The following NRF1 variants were observed in gnomAD, a reference collection of about 807,000 sequenced individuals.
NRF1 encodes the protein nuclear respiratory factor 1, also known as alpha palindromic-binding protein.
NRF1 carries 5 observed loss-of-function variants against 58.5 expected under a neutral mutation model. The observed-to-expected ratio is 0.09, with a 90% CI of 0.04 to 0.18. The LOEUF is 0.18. Among genes scored for constraint, NRF1 ranks in the 10% least tolerant of loss-of-function variants. The probability of loss-of-function intolerance (pLI) is 1.00; values close to 1 mark genes in which losing one functional copy is unlikely to be tolerated. For missense variants in NRF1, 288 were observed against 657.7 expected (o/e 0.44, Z 6.15); for synonymous variants, 224 against 246.7 (o/e 0.91, Z 0.86).
intron 1 of NRF1, among the ~76,000 whole-genome samples, chr7:129,620,848 A>C (rs1238045113): frequency 1.3e-5 from 2 of 152,232 alleles, no homozygotes; most frequent in African/African-American, 2.4e-5. Flanking sequence ...TAAATGCACA[A>C]ATATTTCAGT....
intron 10 of NRF1, among the ~76,000 whole-genome samples, chr7:129,754,464 T>TAAAAAAAAAAAAAAAAAAAAAAAAAAA (rs57595268): frequency 2.0e-5 from 1 of 51,202 alleles, no homozygotes; most frequent in African/African-American, 9.6e-5. Context: ...CCCTGTCTCT[T>TAAAAAAAAAAAAAAAAAAAAAAAAAAA]AAAAAAAAAA....
intron 1 of NRF1, among the ~76,000 whole-genome samples, chr7:129,647,683 C>G (rs1801440945): frequency 6.6e-6 from 1 of 152,228 alleles, no homozygotes; most frequent in Admixed American, 6.5e-5. Flanking sequence ...CGTGAGCCAC[C>G]ACGCCCAGCC....
intron 10 of NRF1, among the ~76,000 whole-genome samples, chr7:129,738,722 A>G (rs1803779208): frequency 6.6e-6 from 1 of 152,154 alleles, no homozygotes; most frequent in African/African-American, 2.4e-5. Flanking sequence ...TGTCTGCATT[A>G]TTCTACCTTC....
chr7:129,720,875 C>A (rs1562982789), intron 9 of NRF1, among the ~76,000 whole-genome samples: 2 of 152,034 alleles, frequency 1.3e-5, no homozygotes, highest in Non-Finnish European at 2.9e-5. Context: ...TGTTAATTTT[C>A]ATTTTCAAAA....
chr7:129,675,840 C>T (rs1452445809), intron 3 of NRF1, among the ~76,000 whole-genome samples: 1 of 152,218 alleles, frequency 6.6e-6, no homozygotes, highest in Non-Finnish European at 1.5e-5. Flanking sequence ...TAGCCCCTAA[C>T]AAGAGAGTCA....
chr7:129,652,450 A>G (rs77981828), intron 1 of NRF1, among the ~76,000 whole-genome samples: 3,736 of 152,272 alleles, frequency 0.025, 54 homozygotes, highest in Middle Eastern at 0.075. Context: ...TGACCCAGCA[A>G]TTTACCTTCA....
At chr7:129,715,368 GC>G (rs1248546994) in intron 8 of NRF1, among the ~76,000 whole-genome samples, 1 of 152,162 alleles carries the variant, frequency 6.6e-6, no homozygotes, top group East Asian at 1.9e-4. Flanking sequence ...GAGACTGTAG[GC>G]CTAGCAAACC....
intron 4 of NRF1, among the ~76,000 whole-genome samples, chr7:129,678,299 AT>A (rs1802229590): frequency 6.6e-6 from 1 of 152,210 alleles, no homozygotes; most frequent in Non-Finnish European, 1.5e-5. Flanking sequence ...CTGCATACTT[AT>A]ACAATAGGAA....
At chr7:129,710,624 C>CA in intron 7 of NRF1, 53 bp downstream of exon 7, 1 of 896,770 alleles carries the variant, frequency 1.1e-6, no homozygotes, top group Admixed American at 1.7e-5. Flanking sequence ...GATCAGTGGG[C>CA]ACCTCACCTC....
chr7:129,742,574 A>C (rs1370684376), intron 10 of NRF1, among the ~76,000 whole-genome samples: 5 of 152,198 alleles, frequency 3.3e-5, no homozygotes, highest in African/African-American at 4.8e-5. Context: ...GTGTTAAAAT[A>C]AGTTGATGAG....
chr7:129,668,656 C>T (rs1801974462), intron 2 of NRF1, among the ~76,000 whole-genome samples: 1 of 151,800 alleles, frequency 6.6e-6, no homozygotes, highest in African/African-American at 2.4e-5. Flanking sequence ...TACTTGGCAA[C>T]AAAAAGGAAA....
At chr7:129,650,498 G>A (rs1248861071) in intron 1 of NRF1, among the ~76,000 whole-genome samples, 4 of 152,120 alleles carry the variant, frequency 2.6e-5, no homozygotes, top group Admixed American at 2.6e-4. Context: ...ACACAGTTAA[G>A]AAAACCATCC....
intron 9 of NRF1, among the ~76,000 whole-genome samples, chr7:129,725,192 T>C (rs779296847): frequency 2.6e-5 from 4 of 152,218 alleles, no homozygotes; most frequent in Non-Finnish European, 5.9e-5. Flanking sequence ...TGGAGATGAA[T>C]GATGGTGATG....
rs550257738 is a variant in NRF1 at position 129,655,422 on chromosome 7, C to T, written c.-6-1924C>T. On this transcript the variant is annotated intron_variant, in intron 1 of 10. Transcript: ENST00000393232. ...TATTTCTTCCTTCCCAATCAGGGTA[C>T]CCTTTATTTCTTTTTAAAAATCTTA... Among the ~76,000 whole-genome samples the T allele has an allele frequency of 2.6e-5, 4 of 152,162 alleles. No individual in the cohort carries two copies. The East Asian group carries it at 7.7e-4, about 29-fold the overall frequency.
chr7:129,619,490 G>GTGTA (rs1422472177), intron 1 of NRF1, among the ~76,000 whole-genome samples: 13 of 48,612 alleles, frequency 2.7e-4, no homozygotes, highest in African/African-American at 1.3e-3. Flanking sequence ...GTGTGTGTGT[G>GTGTA]TATATATATA....
intron 9 of NRF1, among the ~76,000 whole-genome samples, chr7:129,725,396 C>T (rs186686157): frequency 1.1e-4 from 17 of 147,884 alleles, no homozygotes; most frequent in Non-Finnish European, 2.2e-4. Context: ...GGCATGATAT[C>T]GGCCCACTGC....
intron 10 of NRF1, among the ~76,000 whole-genome samples, chr7:129,743,010 C>T (rs955285094): frequency 6.6e-6 from 1 of 152,054 alleles, no homozygotes; most frequent in Non-Finnish European, 1.5e-5. Context: ...TTAAGGAAGC[C>T]TGGGAGTTTC....
intron 1 of NRF1, among the ~76,000 whole-genome samples, chr7:129,638,505 G>A (rs1229729696): frequency 1.3e-5 from 2 of 151,964 alleles, no homozygotes; most frequent in African/African-American, 2.4e-5. Context: ...GATAAATGTG[G>A]GTATGGTAAA....
intron 1 of NRF1, among the ~76,000 whole-genome samples, chr7:129,642,967 C>T (rs1801328630): frequency 6.6e-6 from 1 of 151,746 alleles, no homozygotes; most frequent in Non-Finnish European, 1.5e-5. Context: ...CACCATTTCA[C>T]CCAGGCTGAG....
Sources: allele counts gnomAD v4.1 joint callset (sites outside exome capture counted in the v4.1 genomes callset), GRCh38; gene constraint gnomAD v4.1.1; transcripts MANE v1.5; gene names NCBI Gene and HGNC (gene_info 2026-07-23, HGNC 2026-07-21).